The following CLYBL variants were observed in gnomAD, a reference collection of about 807,000 sequenced individuals.
CLYBL encodes citramalyl-CoA lyase, mitochondrial.
A neutral mutation model predicts 38.9 loss-of-function variants in CLYBL; 31 were observed. The ratio of observed to expected loss-of-function variants is 0.80; its 90% confidence interval spans 0.60 to 1.08. CLYBL has a LOEUF of 1.08. Among genes scored for constraint, CLYBL ranks in the 50% least tolerant of loss-of-function variants. The pLI is 0.00. For missense variants in CLYBL, 434 were observed against 411.6 expected, an observed-to-expected ratio of 1.05 and a Z score of -0.47; for synonymous variants, 171 against 158.6, an observed-to-expected ratio of 1.08 and a Z score of -0.59.
chr13:99,899,236 C>A (rs2052615933), downstream of CLYBL, among the ~76,000 whole-genome samples: 1 of 152,230 alleles, frequency 6.6e-6, no homozygotes, highest in African/African-American at 2.4e-5. Flanking sequence ...CTGCCTTGCC[C>A]AAGACCCTTC....
chr13:99,637,962 C>CT lies in CLYBL; in HGVS notation c.62+31224dup, dbSNP rs34513643. ...ATCTAGTTATCCAAGTCAACAGTGCCTTTTTTTTTTTTTTTTTTTGAGACA... is the reference window on the plus strand; with the variant it reads ...ATCTAGTTATCCAAGTCAACAGTGCCTTTTTTTTTTTTTTTTTTTTGAGACA... On this transcript the variant is annotated intron_variant, in intron 1 of 8. Coordinates refer to ENST00000339105, the MANE Select transcript of CLYBL (RefSeq NM_206808.5). Among the ~76,000 whole-genome samples, 430 of 94,994 alleles carry CT rather than the reference C, an allele frequency of 4.5e-3. 15 individuals are homozygous for CT. The highest frequency in any genetic ancestry group is 6.5e-3 in the Non-Finnish European group (332 of 50,796). The allele number at this position is 94,994 out of a possible 152,430, so 62.3% of individuals were successfully genotyped here. A position where few individuals can be genotyped will look rare whatever the true frequency, so the allele number is the denominator to read the frequency against.
chr13:99,734,492 G>A (rs142451576), intron 1 of CLYBL, among the ~76,000 whole-genome samples: 243 of 151,966 alleles, frequency 1.6e-3, no homozygotes, highest in African/African-American at 5.5e-3. Context: ...ACTAGTAGGC[G>A]TGGCAATGAC....
intron 1 of CLYBL, among the ~76,000 whole-genome samples, chr13:99,637,737 TAC>T (rs1413297846): frequency 6.6e-6 from 1 of 152,182 alleles, no homozygotes; most frequent in Non-Finnish European, 1.5e-5. Context: ...CAGCCTGGGC[TAC>T]AGAGTGTGAC....
chr13:99,824,961 T>C (rs920462245), intron 2 of CLYBL, among the ~76,000 whole-genome samples: 13 of 152,186 alleles, frequency 8.5e-5, no homozygotes, highest in Admixed American at 4.6e-4. Context: ...CCACTCTTCA[T>C]TGGGCAGAGG....
intron 2 of CLYBL, among the ~76,000 whole-genome samples, chr13:99,778,142 A>G (rs1336861138): frequency 1.3e-5 from 2 of 152,208 alleles, no homozygotes; most frequent in East Asian, 1.9e-4. Flanking sequence ...ATTATCATCC[A>G]TTTAGACCTA....
At chr13:99,608,657 C>G (rs191079270) in intron 1 of CLYBL, among the ~76,000 whole-genome samples, 2 of 152,106 alleles carry the variant, frequency 1.3e-5, no homozygotes, top group Non-Finnish European at 2.9e-5. Flanking sequence ...GGGGTTAACT[C>G]AGTGCTCCTC....
At chr13:99,853,207 T>A (rs1271279693) in intron 2 of CLYBL, among the ~76,000 whole-genome samples, 4 of 152,062 alleles carry the variant, frequency 2.6e-5, no homozygotes, top group Admixed American at 2.6e-4. Flanking sequence ...TGTTGGAGTT[T>A]TTTGGTAAGG....
intron 2 of CLYBL, among the ~76,000 whole-genome samples, chr13:99,783,590 G>T (rs886780872): frequency 6.6e-6 from 1 of 151,850 alleles, no homozygotes; most frequent in African/African-American, 2.4e-5. Context: ...CAGAGTAGGT[G>T]GGACTACAGG....
intron 1 of CLYBL, among the ~76,000 whole-genome samples, chr13:99,705,095 G>A (rs766783442): frequency 1.6e-4 from 25 of 152,170 alleles, no homozygotes; most frequent in Non-Finnish European, 3.5e-4. Context: ...ATACCGAAAA[G>A]TGTTCAAAGC....
intron 1 of CLYBL, among the ~76,000 whole-genome samples, chr13:99,660,016 G>C (rs1400988298): frequency 6.6e-6 from 1 of 152,166 alleles, no homozygotes; most frequent in Non-Finnish European, 1.5e-5. Context: ...TGGAGACAGA[G>C]AGGAGATAGC....
At chr13:99,768,774 A>G (rs1326198905) in intron 1 of CLYBL, among the ~76,000 whole-genome samples, 4 of 152,002 alleles carry the variant, frequency 2.6e-5, no homozygotes, top group Admixed American at 2.6e-4. Context: ...CGGCCTCCCA[A>G]AGTGCTAGGA....
intron 1 of CLYBL, among the ~76,000 whole-genome samples, chr13:99,627,736 C>T (rs776959025): frequency 6.6e-6 from 1 of 152,136 alleles, no homozygotes; most frequent in Non-Finnish European, 1.5e-5. Context: ...TATTAGTCAA[C>T]CACTTTTGAA....
intron 2 of CLYBL, among the ~76,000 whole-genome samples, chr13:99,852,303 A>G (rs557595426): frequency 6.6e-6 from 1 of 152,282 alleles, no homozygotes; most frequent in Non-Finnish European, 1.5e-5. Flanking sequence ...CAGTGGTGCA[A>G]TCACAGCTTA....
intron 1 of CLYBL, among the ~76,000 whole-genome samples, chr13:99,731,462 T>C (rs1257802354): frequency 2.7e-5 from 4 of 150,674 alleles, no homozygotes; most frequent in Non-Finnish European, 5.9e-5. Context: ...AGCAAGACTC[T>C]GTCTCTACAA....
intron 1 of CLYBL, among the ~76,000 whole-genome samples, chr13:99,754,125 C>G (rs2049008896): frequency 8.4e-6 from 1 of 118,716 alleles, no homozygotes. Flanking sequence ...AGTATTAGGA[C>G]TTGGCCGGGT....
chr13:99,801,662 T>C (rs2050138810), intron 2 of CLYBL, among the ~76,000 whole-genome samples: 1 of 152,248 alleles, frequency 6.6e-6, no homozygotes, highest in African/African-American at 2.4e-5. Context: ...GTTAATACTG[T>C]CACTTTCTGC....
At chr13:99,906,720 G>C (rs1041532208) in intron 9 of CLYBL, among the ~76,000 whole-genome samples, 1 of 152,122 alleles carries the variant, frequency 6.6e-6, no homozygotes, top group Non-Finnish European at 1.5e-5. Flanking sequence ...CACCGTGCCC[G>C]GCCTTGAGTT....
chr13:99,743,966 C>CTTTTTTTTTTTTTTTTTTCTCTTCT (rs2048802179), intron 1 of CLYBL, among the ~76,000 whole-genome samples: 1 of 69,180 alleles, frequency 1.4e-5, no homozygotes, highest in Non-Finnish European at 2.6e-5. Flanking sequence ...TCTCTTCTTT[C>CTTTTTTTTTTTTTTTTTTCTCTTCT]TTTTTTTTTT....
chr13:99,777,997 C>T (rs1353295776), intron 2 of CLYBL, among the ~76,000 whole-genome samples: 1 of 152,204 alleles, frequency 6.6e-6, no homozygotes, highest in Non-Finnish European at 1.5e-5. Context: ...CCACGTTTTT[C>T]GTCTTTCTTG....
Sources: allele counts gnomAD v4.1 joint callset (sites outside exome capture counted in the v4.1 genomes callset), GRCh38; gene constraint gnomAD v4.1.1; transcripts MANE v1.5; gene names NCBI Gene and HGNC (gene_info 2026-07-23, HGNC 2026-07-21).